Variants in KIR3DL2 observed in about 807,000 individuals in gnomAD.
KIR3DL2 encodes killer cell immunoglobulin-like receptor 3DL2.
KIR3DL2 carries 42 observed loss-of-function variants against 41.6 expected under a neutral mutation model. That is an observed-to-expected ratio of 1.01 (90% CI 0.79 to 1.31). KIR3DL2 has a LOEUF of 1.31. Ranked by LOEUF, KIR3DL2 falls within the 50% of genes most tolerant of loss-of-function variation. The pLI is 0.00. For missense variants in KIR3DL2, 728 were observed against 576.8 expected (o/e 1.26, Z -2.68); for synonymous variants, 230 against 221.3 (o/e 1.04, Z -0.35).
At chr19:54,865,687 T>C in intron 6 of KIR3DL2, 118 bp from the exon 7 acceptor site, 1 of 862,596 alleles carries the variant, frequency 1.2e-6, no homozygotes, top group Admixed American at 2.1e-5. Flanking sequence ...TCTCCCGCCA[T>C]CAGGCTGCTT....
At chr19:54,856,874 T>A (rs2064822155) in intron 5 of KIR3DL2, among the ~76,000 whole-genome samples, 1 of 152,108 alleles carries the variant, frequency 6.6e-6, no homozygotes, top group African/African-American at 2.4e-5. Flanking sequence ...AGGATGTTAT[T>A]GTTTCTATGG....
chr19:54,861,623 T>A (rs1238286797), intron 6 of KIR3DL2, among the ~76,000 whole-genome samples: 4 of 151,292 alleles, frequency 2.6e-5, no homozygotes, highest in African/African-American at 9.7e-5. Context: ...CACACCAGCC[T>A]GGGCTACACA....
chr19:54,852,256 G>C lies in KIR3DL2; in HGVS notation c.329G>C (p.Ser110Thr). Residue 110 changes from serine to threonine, a missense_variant, in exon 3 of 9, where the codon AGC becomes ACC. Physicochemically the swap from Ser to Thr is moderately conservative, Grantham distance 58 (BLOSUM62 1). Coordinates refer to ENST00000326321, the MANE Select transcript of KIR3DL2 (RefSeq NM_006737.4). ...PHSLTGWSAPSNPLVIMVTGN... is the reference protein window; with the variant it reads ...PHSLTGWSAPTNPLVIMVTGN... ...TCCCTCACTGGGTGGTCGGCACCCA[G>C]CAACCCCCTGGTGATCATGGTCACA... is the stretch of plus-strand genomic sequence containing the variant. The C allele has an allele frequency of 6.2e-7, 1 of 1,609,272 alleles. No individual in the cohort carries two copies. Among genetic ancestry groups the C allele is most frequent in the Non-Finnish European group, 8.5e-7 (1 of 1,177,690 alleles).
At chr19:54,857,105 T>C (rs2064845786) in intron 5 of KIR3DL2, among the ~76,000 whole-genome samples, 1 of 151,716 alleles carries the variant, frequency 6.6e-6, no homozygotes, top group Non-Finnish European at 1.5e-5. Context: ...TTTTTCTTTT[T>C]TGAGAAAGAG....
chr19:54,863,706 T>C (rs2065328544), intron 6 of KIR3DL2, among the ~76,000 whole-genome samples: 1 of 152,066 alleles, frequency 6.6e-6, no homozygotes, highest in African/African-American at 2.4e-5. Flanking sequence ...TAGGATTGTT[T>C]GTTTTTTTCT....
At chr19:54,857,564 T>C (rs1204772478) in intron 5 of KIR3DL2, among the ~76,000 whole-genome samples, 2 of 151,486 alleles carry the variant, frequency 1.3e-5, no homozygotes, top group African/African-American at 4.9e-5. Context: ...TATTTATTTA[T>C]GTTGAGATGG....
intron 2 of KIR3DL2, among the ~76,000 whole-genome samples, chr19:54,851,547 A>G (rs796752340): frequency 4.0e-5 from 6 of 151,630 alleles, no homozygotes; most frequent in African/African-American, 1.5e-4. Flanking sequence ...AGGTCCTCTG[A>G]GGACAAAGGT....
intron 6 of KIR3DL2, among the ~76,000 whole-genome samples, chr19:54,860,030 C>A (rs1216459922): frequency 6.6e-6 from 1 of 151,996 alleles, no homozygotes; most frequent in Non-Finnish European, 1.5e-5. Flanking sequence ...ATTGGGTTCA[C>A]CAAGATGAAA....
rs534995881 is a variant in KIR3DL2 at position 54,852,206 on chromosome 19, C to T, written c.279C>T (p.Tyr93=). Reference sequence around the variant, plus strand: ...TGACCCCAGCACATGCAGGGACCTACAGATGTCGGGGTTCACGCCCACACT... The same window carrying T: ...TGACCCCAGCACATGCAGGGACCTATAGATGTCGGGGTTCACGCCCACACT... ...GPVTPAHAGT[Y]RCRGSRPHSL... The change falls in exon 3 of 9, where the codon TAC becomes TAT. Residue 93 remains tyrosine, a synonymous_variant. Coordinates refer to ENST00000326321, the MANE Select transcript of KIR3DL2 (RefSeq NM_006737.4). 2.5e-6 allele frequency: 4 copies of T among 1,612,238 alleles called. No individual in the cohort carries two copies. In the African/African-American group the frequency reaches 4.0e-5, roughly 16 times the overall value.
intron 1 of KIR3DL2, 75 bp from the exon 2 acceptor site, chr19:54,851,145 A>G (rs1449016752): frequency 2.1e-5 from 33 of 1,569,328 alleles, no homozygotes; most frequent in South Asian, 8.9e-5. Context: ...CTGCCAAGAC[A>G]CACAGTGCAG....
Position 54,866,678 on chromosome 19 carries a change from A to C in KIR3DL2, c.1315A>C (p.Lys439Gln), listed in dbSNP as rs3745903. ...ACTTCCAAATGCTGAGCCCAGATCC[A>C]AAGTTGTCTCCTGCCCACGAGCACC... The part of the protein sequence containing the change: ...TELPNAEPRS[K>Q]VVSCPRAPQS... The change falls in exon 9 of 9, where the codon AAA becomes CAA. Residue 439 changes from lysine (K) to glutamine (Q), a missense_variant. By Grantham distance (53) the Lys-to-Gln change is moderately conservative (BLOSUM62 1). Coordinates refer to ENST00000326321, the MANE Select transcript of KIR3DL2 (RefSeq NM_006737.4). 352 of 1,613,952 alleles carry C rather than the reference A, an allele frequency of 2.2e-4. 4 individuals are homozygous for C. The East Asian group carries it at 6.5e-3, about 30-fold the overall frequency.
chr19:54,853,901 G>C lies in KIR3DL2; in HGVS notation c.510G>C (p.Gln170His). The stretch of plus-strand genomic sequence containing the variant: ...AGGACCCCTCACGCCTCGTTGGACA[G>C]ATCCATGATGGGGTCTCCAAGGCCA... Reference protein sequence around the residue: ...ISEDPSRLVGQIHDGVSKANF... With the variant: ...ISEDPSRLVGHIHDGVSKANF... Residue 170 changes from glutamine (Q) to histidine (H), a missense_variant, in exon 4 of 9, where the codon CAG (glutamine) becomes CAC (histidine). Coordinates refer to ENST00000326321, the MANE Select transcript of KIR3DL2 (RefSeq NM_006737.4). 1 of 1,613,430 alleles carries C rather than the reference G, an allele frequency of 6.2e-7. No homozygotes were observed. The highest frequency in any genetic ancestry group is 1.1e-5 in the South Asian group (1 of 91,084).
intron 3 of KIR3DL2, among the ~76,000 whole-genome samples, chr19:54,852,668 C>T (rs1208339818): frequency 1.3e-5 from 2 of 151,086 alleles, no homozygotes; most frequent in African/African-American, 4.9e-5. Context: ...GAGGGAGACG[C>T]TATCAGCCAC....
In KIR3DL2 at chr19:54,859,067, C is replaced by G. The variant is rs1484263846; in HGVS notation, c.950-12C>G. On this transcript the variant is annotated splice_polypyrimidine_tract_variant and intron_variant, in intron 5 of 8. Coordinates refer to ENST00000326321, the MANE Select transcript of KIR3DL2 (RefSeq NM_006737.4). ...CCTCATTTCCTCACATCTCTCCTGT[C>G]CCGTGTTCTAGGAAACCCTTCAAGT... 6.2e-7 allele frequency: 1 copy of G among 1,613,514 alleles called. No individual in the cohort carries two copies. The highest frequency in any genetic ancestry group is 1.1e-5 in the South Asian group (1 of 91,074).
Position 54,866,779 on chromosome 19 carries a change from C to A in KIR3DL2, c.*48C>A, listed in dbSNP as rs758824254. 3.1e-6 allele frequency: 5 copies of A among 1,588,202 alleles called. No individual in the cohort carries two copies. Among genetic ancestry groups the A allele is most frequent in the Non-Finnish European group, 4.3e-6 (5 of 1,158,478 alleles). ...AACCAGGTTGCCAGATCCAATGAAC[C>A]AGCAGCTGGAATCTGAAGGCATCAG... is the stretch of plus-strand genomic sequence containing the variant. On this transcript the variant is annotated 3_prime_UTR_variant, in exon 9 of 9. Coordinates refer to ENST00000326321, the MANE Select transcript of KIR3DL2 (RefSeq NM_006737.4).
chr19:54,853,672 C>G (rs2145587190), intron 3 of KIR3DL2, 75 bp from the exon 4 acceptor site: 2 of 1,523,760 alleles, frequency 1.3e-6, no homozygotes, highest in East Asian at 4.7e-5. Context: ...GGGAGGGGAA[C>G]CCTCACTCAT....
intron 6 of KIR3DL2, among the ~76,000 whole-genome samples, chr19:54,861,039 T>G (rs2065137375): frequency 7.6e-6 from 1 of 131,632 alleles, no homozygotes; most frequent in African/African-American, 2.7e-5. Flanking sequence ...ATGATTAATA[T>G]GACTGACATG....
intron 6 of KIR3DL2, among the ~76,000 whole-genome samples, chr19:54,865,449 G>A (rs1275521524): frequency 1.3e-5 from 2 of 152,014 alleles, no homozygotes; most frequent in Admixed American, 1.3e-4. Context: ...AATAGAGGGG[G>A]AACTTGCTAA....
At position 54,866,858 on chromosome 19, in the gene KIR3DL2, C is replaced by T. The variant is rs1443002334; in HGVS notation, c.*127C>T. On this transcript the variant is annotated 3_prime_UTR_variant, in exon 9 of 9. Transcript: ENST00000326321. Reference sequence around the variant, plus strand: ...ACACCACGAATCTGAACATGCCTCTCTCTTGCTTACAAATGCCTAAGGTCG... The same window carrying T: ...ACACCACGAATCTGAACATGCCTCTTTCTTGCTTACAAATGCCTAAGGTCG... The T allele has an allele frequency of 2.8e-6, 3 of 1,079,084 alleles. No homozygotes were observed. Among genetic ancestry groups the T allele is most frequent in the East Asian group, 4.8e-5 (2 of 41,784 alleles). The allele number at this position is 1,079,084 out of a possible 1,614,324, so 66.8% of individuals were successfully genotyped here.
Sources: allele counts gnomAD v4.1 joint callset (sites outside exome capture counted in the v4.1 genomes callset), GRCh38; gene constraint gnomAD v4.1.1; transcripts MANE v1.5; gene names NCBI Gene and HGNC (gene_info 2026-07-23, HGNC 2026-07-21).